Variants in WWOX observed in about 807,000 individuals in gnomAD.
WWOX encodes WW domain containing oxidoreductase.
WWOX carries 69 observed loss-of-function variants against 46.2 expected under a neutral mutation model. The observed-to-expected ratio is 1.49, with a 90% CI of 1.23 to 1.82. The LOEUF is 1.82. Among genes scored for constraint, WWOX ranks in the 40% most tolerant of loss-of-function variants. The probability of loss-of-function intolerance (pLI) is 0.00; values close to 1 mark genes in which losing one functional copy is unlikely to be tolerated. For synonymous variants in WWOX, 359 were observed against 202.6 expected (o/e 1.77, Z -6.56); for missense variants, 919 against 542.6 (o/e 1.69, Z -6.89).
At chr16:78,908,183 C>T (rs915382853) in intron 8 of WWOX, among the ~76,000 whole-genome samples, 25 of 152,126 alleles carry the variant, frequency 1.6e-4, no homozygotes, top group African/African-American at 3.6e-4. Flanking sequence ...AATTGCCCAA[C>T]GGGTTCTCCT....
chr16:78,554,941 C>T (rs1004721679), intron 8 of WWOX, among the ~76,000 whole-genome samples: 6 of 152,066 alleles, frequency 3.9e-5, no homozygotes, highest in Admixed American at 1.3e-4. Flanking sequence ...GCTGCATAGG[C>T]GGCCTGTTCT....
At chr16:78,707,690 C>A (rs577601909) in intron 8 of WWOX, among the ~76,000 whole-genome samples, 1 of 152,074 alleles carries the variant, frequency 6.6e-6, no homozygotes, top group Non-Finnish European at 1.5e-5. Context: ...CAGGACTAGC[C>A]TGGCCAACAT....
intron 8 of WWOX, among the ~76,000 whole-genome samples, chr16:79,130,689 A>T (rs1183998446): frequency 6.6e-6 from 1 of 152,258 alleles, no homozygotes; most frequent in Non-Finnish European, 1.5e-5. Flanking sequence ...ATGACTAATT[A>T]GACCCTAATG....
chr16:79,047,632 G>C (rs976317053), intron 8 of WWOX, among the ~76,000 whole-genome samples: 2 of 147,562 alleles, frequency 1.4e-5, no homozygotes, highest in Admixed American at 6.7e-5. Flanking sequence ...TTACAGTTCT[G>C]GATGTCAGAA....
chr16:78,697,839 C>T (rs998476760), intron 8 of WWOX, among the ~76,000 whole-genome samples: 3 of 152,044 alleles, frequency 2.0e-5, no homozygotes, highest in Non-Finnish European at 4.4e-5. Flanking sequence ...TGTTTTGGTC[C>T]TGACAATACC....
chr16:78,182,907 C>T (rs779422450), intron 5 of WWOX, among the ~76,000 whole-genome samples: 1 of 147,084 alleles, frequency 6.8e-6, no homozygotes, highest in Non-Finnish European at 1.5e-5. Flanking sequence ...GCCGAGATTG[C>T]GCCACTGCAC....
intron 6 of WWOX, among the ~76,000 whole-genome samples, chr16:78,390,436 T>C (rs371395163): frequency 4.6e-5 from 7 of 152,202 alleles, no homozygotes; most frequent in African/African-American, 1.7e-4. Context: ...CACAGGACTT[T>C]GGAATTTTAG....
intron 8 of WWOX, chr16:78,825,642 C>G: frequency 1.9e-6 from 1 of 519,304 alleles, no homozygotes; most frequent in Non-Finnish European, 3.8e-6. Context: ...CGATGGTGGG[C>G]TGTGGTTCAT....
chr16:78,437,793 A>C (rs1165476490), intron 8 of WWOX, among the ~76,000 whole-genome samples: 2 of 152,230 alleles, frequency 1.3e-5, no homozygotes, highest in African/African-American at 4.8e-5. Flanking sequence ...AGTACTTTCT[A>C]ATAATGAAGT....
At chr16:78,201,494 A>G (rs1250486180) in intron 5 of WWOX, among the ~76,000 whole-genome samples, 1 of 152,156 alleles carries the variant, frequency 6.6e-6, no homozygotes. Context: ...CAGGTTGAAA[A>G]AAGAGGCAAG....
intron 8 of WWOX, among the ~76,000 whole-genome samples, chr16:79,013,096 C>G (rs915169646): frequency 6.6e-6 from 1 of 152,162 alleles, no homozygotes; most frequent in Admixed American, 6.5e-5. Context: ...TACCAGTGAG[C>G]AGGAAGTTGG....
At chr16:78,615,451 C>G (rs1597351206) in intron 8 of WWOX, among the ~76,000 whole-genome samples, 1 of 152,128 alleles carries the variant, frequency 6.6e-6, no homozygotes, top group South Asian at 2.1e-4. Context: ...GAATTCAAGA[C>G]CAGGCTGGGC....
At chr16:79,154,928 G>C (rs1490078922) in intron 8 of WWOX, among the ~76,000 whole-genome samples, 2 of 152,194 alleles carry the variant, frequency 1.3e-5, no homozygotes, top group East Asian at 3.8e-4. Context: ...AAGAAAGAAA[G>C]AAGAGGAAGA....
intron 5 of WWOX, among the ~76,000 whole-genome samples, chr16:78,190,083 GT>G (rs762076055): frequency 2.0e-5 from 3 of 152,202 alleles, no homozygotes; most frequent in Non-Finnish European, 4.4e-5. Flanking sequence ...AACTATGAAA[GT>G]GAGGGGGGTG....
chr16:79,064,078 A>C (rs990753201), intron 8 of WWOX, among the ~76,000 whole-genome samples: 3 of 152,254 alleles, frequency 2.0e-5, no homozygotes, highest in African/African-American at 7.2e-5. Context: ...ACAAGGCACT[A>C]CAGCAACATG....
chr16:79,087,747 T>G (rs1453602463), intron 8 of WWOX, among the ~76,000 whole-genome samples: 3 of 152,244 alleles, frequency 2.0e-5, no homozygotes, highest in African/African-American at 7.2e-5. Flanking sequence ...TCTCTGGAAT[T>G]TGGCCATTTC....
At chr16:78,848,208 A>G (rs1032193772) in intron 8 of WWOX, among the ~76,000 whole-genome samples, 3 of 152,218 alleles carry the variant, frequency 2.0e-5, no homozygotes, top group African/African-American at 7.2e-5. Context: ...AATGAATTAG[A>G]GTTGACATAC....
At chr16:78,735,108 C>A (rs138653288) in intron 8 of WWOX, among the ~76,000 whole-genome samples, 1,760 of 151,680 alleles carry the variant, frequency 0.012, 21 homozygotes, top group Non-Finnish European at 0.017. Context: ...CTCAGATGAT[C>A]CACCTGCCTT....
rs527484798 is a variant in WWOX, at chr16:78,320,454, C to T, written c.517-66406C>T. On this transcript the variant is annotated intron_variant, in intron 5 of 8. Coordinates refer to ENST00000566780, the MANE Select transcript of WWOX (RefSeq NM_016373.4). ...CACATTGTGCATTTGTTTTTAAGTC[C>T]CTAGCTGTTTCCAGAAATAGTTTGG... is the stretch of plus-strand genomic sequence containing the variant. Among the ~76,000 whole-genome samples the T allele has an allele frequency of 2.6e-5, 4 of 152,132 alleles. No individual in the cohort carries two copies. In the East Asian group the frequency reaches 7.7e-4, roughly 29 times the overall value.
Sources: allele counts gnomAD v4.1 joint callset (sites outside exome capture counted in the v4.1 genomes callset), GRCh38; gene constraint gnomAD v4.1.1; transcripts MANE v1.5; gene names NCBI Gene and HGNC (gene_info 2026-07-23, HGNC 2026-07-21).